Variants in PLEKHA7 observed in about 807,000 individuals in gnomAD.
The protein encoded by PLEKHA7 is pleckstrin homology domain containing A7.
PLEKHA7 carries 104 observed loss-of-function variants against 170.0 expected under a neutral mutation model. The observed-to-expected ratio is 0.61, with a 90% confidence interval of 0.52 to 0.72. The LOEUF is 0.72. PLEKHA7 is among the 30% of genes least tolerant of loss of function. PLEKHA7 has a pLI of 0.00. For missense variants in PLEKHA7, 1,615 were observed against 1,671.7 expected, an observed-to-expected ratio of 0.97 and a Z score of 0.59; for synonymous variants, 648 against 660.8, an observed-to-expected ratio of 0.98 and a Z score of 0.30.
chr11:17,003,948 G>C (rs543388608), intron 3 of PLEKHA7, among the ~76,000 whole-genome samples: 2 of 152,154 alleles, frequency 1.3e-5, no homozygotes, highest in Admixed American at 6.5e-5. Flanking sequence ...TGTACATCCT[G>C]TTTGGAGATG....
At chr11:16,870,877 T>TA (rs1438936470) in intron 4 of PLEKHA7, among the ~76,000 whole-genome samples, 1 of 152,156 alleles carries the variant, frequency 6.6e-6, no homozygotes, top group Non-Finnish European at 1.5e-5. Context: ...ATACCCATCA[T>TA]AGCACATCCC....
intron 3 of PLEKHA7, among the ~76,000 whole-genome samples, chr11:16,901,839 G>A (rs866264918): frequency 2.0e-5 from 3 of 152,118 alleles, no homozygotes; most frequent in South Asian, 2.1e-4. Flanking sequence ...AGTGCACTCC[G>A]GCCTAGGCAG....
chr11:16,944,939 T>G (rs1860931532), intron 3 of PLEKHA7, among the ~76,000 whole-genome samples: 1 of 152,316 alleles, frequency 6.6e-6, no homozygotes, highest in Middle Eastern at 3.4e-3. Context: ...GATAAGAACT[T>G]TAAGGATCAG....
chr11:16,913,690 TA>T (rs1858424621), intron 3 of PLEKHA7, among the ~76,000 whole-genome samples: 1 of 152,208 alleles, frequency 6.6e-6, no homozygotes, highest in Admixed American at 6.5e-5. Context: ...ACCCAGTACT[TA>T]AATTTCACTG....
At chr11:16,790,776 T>C (rs1847785612) in intron 21 of PLEKHA7, 22 bp downstream of exon 21, 2 of 1,601,206 alleles carry the variant, frequency 1.2e-6, no homozygotes, top group East Asian at 4.5e-5. Flanking sequence ...CCAGAGAAAC[T>C]CCAGGGAGGG....
At chr11:16,842,760 A>C (rs1852074557) in intron 8 of PLEKHA7, among the ~76,000 whole-genome samples, 1 of 152,180 alleles carries the variant, frequency 6.6e-6, no homozygotes, top group South Asian at 2.1e-4. Flanking sequence ...CCAAATCTAC[A>C]TAAGAAGATG....
chr11:16,835,571 C>T (rs371905), intron 9 of PLEKHA7, among the ~76,000 whole-genome samples: 24,472 of 152,174 alleles, frequency 0.16, 2,397 homozygotes, highest in African/African-American at 0.27. Flanking sequence ...GAAGTTAATA[C>T]AGCTGATAGG....
At chr11:16,980,406 C>A (rs1863353487) in intron 3 of PLEKHA7, among the ~76,000 whole-genome samples, 1 of 152,210 alleles carries the variant, frequency 6.6e-6, no homozygotes, top group Non-Finnish European at 1.5e-5. Flanking sequence ...TCTCCACAGG[C>A]TGCCCCATGG....
intron 10 of PLEKHA7, among the ~76,000 whole-genome samples, chr11:16,825,857 T>C (rs1305101748): frequency 6.6e-6 from 1 of 152,210 alleles, no homozygotes. Flanking sequence ...CATGGAGGCC[T>C]TGGAGGCTCA....
intron 3 of PLEKHA7, among the ~76,000 whole-genome samples, chr11:16,948,667 CACA>C (rs368358235): frequency 0.47 from 71,178 of 151,840 alleles, 17,644 homozygotes; most frequent in East Asian, 0.74. Context: ...CACACACACA[CACA>C]CACAGACACC....
At chr11:16,801,582 C>T (rs904726345) in intron 16 of PLEKHA7, 86 bp downstream of exon 16, 1 of 1,531,296 alleles carries the variant, frequency 6.5e-7, no homozygotes, top group African/African-American at 1.4e-5. Context: ...CTCTGGACAC[C>T]AACTCAACTA....
chr11:16,890,299 C>T (rs1856526611), intron 3 of PLEKHA7, among the ~76,000 whole-genome samples: 1 of 152,136 alleles, frequency 6.6e-6, no homozygotes, highest in Admixed American at 6.5e-5. Context: ...CCTCACATAG[C>T]AATACTAACC....
At chr11:16,890,081 G>C (rs566438071) in intron 3 of PLEKHA7, among the ~76,000 whole-genome samples, 11 of 151,920 alleles carry the variant, frequency 7.2e-5, no homozygotes. Context: ...GAAATAAAAT[G>C]TTTCCTAGAC....
chr11:16,853,642 G>C (rs1204105129), intron 6 of PLEKHA7, among the ~76,000 whole-genome samples: 1 of 152,222 alleles, frequency 6.6e-6, no homozygotes, highest in Non-Finnish European at 1.5e-5. Flanking sequence ...TGTCAAAGGG[G>C]CATCCTTTGT....
At chr11:16,794,880 C>G in intron 18 of PLEKHA7, 30 bp downstream of exon 18, 6 of 1,371,970 alleles carry the variant, frequency 4.4e-6, no homozygotes, top group African/African-American at 1.4e-5. Flanking sequence ...CCAATCAGAT[C>G]CCCCACATCC....
At chr11:16,816,020 T>G (rs1590207414) in intron 12 of PLEKHA7, among the ~76,000 whole-genome samples, 158 bp downstream of exon 12, 1 of 152,122 alleles carries the variant, frequency 6.6e-6, no homozygotes, top group Non-Finnish European at 1.5e-5. Flanking sequence ...GACAGCCAGG[T>G]GACCCTAAGC....
chr11:16,984,072 A>G (rs1863591310), intron 3 of PLEKHA7, among the ~76,000 whole-genome samples: 1 of 152,110 alleles, frequency 6.6e-6, no homozygotes, highest in East Asian at 1.9e-4. Context: ...AAAAATAAAA[A>G]GAATTTTAAA....
At chr11:16,886,790 C>T (rs1352650679) in intron 3 of PLEKHA7, among the ~76,000 whole-genome samples, 1 of 149,682 alleles carries the variant, frequency 6.7e-6, no homozygotes, top group East Asian at 2.0e-4. Flanking sequence ...CCAACAATAA[C>T]ATGTGACAAC....
chr11:16,976,812 A>AGG (rs1462599255), intron 3 of PLEKHA7, among the ~76,000 whole-genome samples: 2 of 152,254 alleles, frequency 1.3e-5, no homozygotes. Flanking sequence ...GACCCAAGGC[A>AGG]GGGGATCATG....
Sources: allele counts gnomAD v4.1 joint callset (sites outside exome capture counted in the v4.1 genomes callset), GRCh38; gene constraint gnomAD v4.1.1; transcripts MANE v1.5; gene names NCBI Gene and HGNC (gene_info 2026-07-23, HGNC 2026-07-21).